The following UGT1A10 variants were observed in gnomAD, a reference collection of about 807,000 sequenced individuals.
The protein encoded by UGT1A10 is UDP-glucuronosyltransferase 1A10.
Under a neutral mutation model 45.8 loss-of-function variants are expected in UGT1A10, and 49 were observed. The ratio of observed to expected loss-of-function variants is 1.07; its 90% CI spans 0.85 to 1.36. UGT1A10 has a LOEUF of 1.36. UGT1A10 is among the 40% of genes most tolerant of loss of function. UGT1A10 has a pLI of 0.00. For synonymous variants in UGT1A10, 284 were observed against 249.7 expected, an observed-to-expected ratio of 1.14 and a Z score of -1.29; for missense variants, 745 against 668.6, an observed-to-expected ratio of 1.11 and a Z score of -1.26.
chr2:233,642,605 G>A (rs1221022287), intron 1 of UGT1A10, among the ~76,000 whole-genome samples: 1 of 152,206 alleles, frequency 6.6e-6, no homozygotes, highest in Non-Finnish European at 1.5e-5. Flanking sequence ...GGGCATTGAA[G>A]AGTTAGGTGT....
chr2:233,713,117 CA>C (rs1395487296), intron 1 of UGT1A10: 4 of 1,614,102 alleles, frequency 2.5e-6, no homozygotes, highest in Non-Finnish European at 3.4e-6. Context: ...GCCACTGGCT[CA>C]GCATGCGGGA....
At chr2:233,711,835 G>A (rs149400797) in intron 1 of UGT1A10, among the ~76,000 whole-genome samples, 51 of 152,330 alleles carry the variant, frequency 3.3e-4, no homozygotes, top group Non-Finnish European at 6.3e-4. Context: ...ACAAGGAGGC[G>A]TCAGCAATCT....
At chr2:233,714,881 T>G (rs1441745966) in intron 1 of UGT1A10, among the ~76,000 whole-genome samples, 1 of 150,308 alleles carries the variant, frequency 6.7e-6, no homozygotes, top group East Asian at 2.0e-4. Flanking sequence ...ATCTTTTAAA[T>G]TTTTCTATCT....
At chr2:233,746,498 T>C (rs4663968) in intron 1 of UGT1A10, among the ~76,000 whole-genome samples, 12,171 of 151,768 alleles carry the variant, frequency 0.08, 741 homozygotes, top group East Asian at 0.2. Flanking sequence ...TGTCACTCTT[T>C]AGTAGCCCCC....
At chr2:233,726,988 C>G (rs926323067) in intron 1 of UGT1A10, among the ~76,000 whole-genome samples, 1 of 152,120 alleles carries the variant, frequency 6.6e-6, no homozygotes, top group African/African-American at 2.4e-5. Context: ...TGATGAGGTT[C>G]TTTCTAGCAA....
intron 1 of UGT1A10, among the ~76,000 whole-genome samples, chr2:233,649,516 A>G (rs1477776698): frequency 6.6e-6 from 1 of 152,218 alleles, no homozygotes; most frequent in Non-Finnish European, 1.5e-5. Context: ...ATATGTAAAT[A>G]TTTATACTTA....
intron 1 of UGT1A10, chr2:233,747,824 C>T (rs1693787782): frequency 6.2e-7 from 1 of 1,613,430 alleles, no homozygotes; most frequent in Admixed American, 1.7e-5. Context: ...ATTCAGACCA[C>T]ATGACATTCC....
intron 1 of UGT1A10, chr2:233,747,457 T>A: frequency 6.2e-7 from 1 of 1,608,932 alleles, no homozygotes; most frequent in South Asian, 1.1e-5. Flanking sequence ...ACCTATGCCA[T>A]TTCATGGACC....
intron 1 of UGT1A10, among the ~76,000 whole-genome samples, chr2:233,681,646 G>A (rs903157962): frequency 6.6e-6 from 1 of 151,548 alleles, no homozygotes; most frequent in Non-Finnish European, 1.5e-5. Context: ...AAGGCCAAAA[G>A]CATTGCTTAA....
chr2:233,730,335 A>G (rs923497245), intron 1 of UGT1A10, among the ~76,000 whole-genome samples: 1 of 152,192 alleles, frequency 6.6e-6, no homozygotes, highest in Non-Finnish European at 1.5e-5. Flanking sequence ...CTACGTTTGG[A>G]ACTGATCCAT....
intron 1 of UGT1A10, chr2:233,693,173 G>A (rs1245867453): frequency 1.2e-6 from 2 of 1,614,068 alleles, no homozygotes; most frequent in Non-Finnish European, 1.7e-6. Flanking sequence ...TCATGAGATT[G>A]TAGTGGTGGT....
At chr2:233,678,328 A>T (rs7588138) in intron 1 of UGT1A10, among the ~76,000 whole-genome samples, 92,506 of 151,144 alleles carry the variant, frequency 0.61, 28,530 homozygotes, top group South Asian at 0.65. Context: ...TATGTATAAG[A>T]GGAAGTCATT....
At chr2:233,718,927 C>A in intron 1 of UGT1A10, 2 of 1,614,128 alleles carry the variant, frequency 1.2e-6, no homozygotes, top group Non-Finnish European at 8.5e-7. Flanking sequence ...GTGGTGCCCA[C>A]TGATGGCAGC....
chr2:233,648,727 GT>G, intron 1 of UGT1A10: 1 of 498,964 alleles, frequency 2.0e-6, no homozygotes, highest in Non-Finnish European at 3.5e-6. Context: ...GCCTCCCAAA[GT>G]GCTGGAATTA....
At chr2:233,728,979 T>C (rs55781538) in intron 1 of UGT1A10, 30,148 of 1,500,164 alleles carry the variant, frequency 0.02, 353 homozygotes, top group Non-Finnish European at 0.023. Context: ...AGATTAATGG[T>C]TAATAATTAA....
chr2:233,682,465 T>C, intron 1 of UGT1A10: 1 of 1,613,980 alleles, frequency 6.2e-7, no homozygotes, highest in East Asian at 2.2e-5. Context: ...TTTGCCACTA[T>C]CTTGAAGAAG....
At chr2:233,691,164 CT>C (rs1275224521) in intron 1 of UGT1A10, 1 of 985,620 alleles carries the variant, frequency 1.0e-6, no homozygotes, top group African/African-American at 1.7e-5. Flanking sequence ...GGAAACCTGC[CT>C]AATGTCTGCC....
intron 1 of UGT1A10, among the ~76,000 whole-genome samples, chr2:233,744,276 T>C (rs1409934425): frequency 2.0e-5 from 3 of 151,780 alleles, no homozygotes; most frequent in South Asian, 2.1e-4. Context: ...AAGTAGGCTT[T>C]ATATCAGTCT....
chr2:233,718,938 C>T, intron 1 of UGT1A10: 1 of 1,614,130 alleles, frequency 6.2e-7, no homozygotes, highest in Non-Finnish European at 8.5e-7. Context: ...TGATGGCAGC[C>T]CCTGGCTCAG....
Sources: gnomAD v4.1 joint callset for allele counts (sites outside exome capture counted in the v4.1 genomes callset) on GRCh38, gnomAD v4.1.1 for gene constraint, MANE v1.5 for transcripts, NCBI Gene and HGNC (gene_info 2026-07-23, HGNC 2026-07-21) for gene names.